The following FHDC1 variants were observed in gnomAD, a reference collection of about 807,000 sequenced individuals.
FHDC1 encodes the protein FH2 domain-containing protein 1.
A neutral mutation model predicts 52.6 loss-of-function variants in FHDC1; 25 were observed. That is an observed-to-expected ratio of 0.48 (90% CI 0.35 to 0.66). FHDC1 has a LOEUF of 0.66. Among genes scored for constraint, FHDC1 ranks in the 30% least tolerant of loss-of-function variants. The pLI is 0.01. For synonymous variants in FHDC1, 616 were observed against 581.5 expected (o/e 1.06, Z -0.85); for missense variants, 1,459 against 1,452.8 (o/e 1.00, Z -0.07).
At chr4:152,917,865 A>G in the FHDC1 span, among the ~76,000 whole-genome samples, 5 of 152,148 alleles carry the variant, frequency 3.3e-5, no homozygotes, top group East Asian at 5.8e-4. Context: ...AAGGTTCACC[A>G]TATTTTCTCT....
At chr4:152,921,181 T>A in the FHDC1 span, among the ~76,000 whole-genome samples, 1 of 152,048 alleles carries the variant, frequency 6.6e-6, no homozygotes. Context: ...CCTTATTTCA[T>A]AAATAACTTT....
upstream of FHDC1, among the ~76,000 whole-genome samples, chr4:152,931,964 A>C (rs1286750331): frequency 6.9e-6 from 1 of 145,916 alleles, no homozygotes; most frequent in Non-Finnish European, 1.5e-5. Flanking sequence ...AAAAAAAAAA[A>C]CTTCAAAAAT....
chr4:152,977,523 G>A lies in FHDC1; in HGVS notation c.*800G>A, dbSNP rs1158681506. The stretch of plus-strand genomic sequence containing the variant: ...AGTGGCACAATCATAGCTCACTGCA[G>A]CTTTGACCTCCCAGACCCAAGTGAT... On this transcript the variant is annotated 3_prime_UTR_variant, in exon 12 of 12. Transcript: ENST00000511601. 6.6e-6 allele frequency: 1 copy of A among 152,146 alleles called. No individual in the cohort carries two copies. The highest frequency in any genetic ancestry group is 6.5e-5 in the Admixed American group (1 of 15,282). The allele number at this position is 152,146 out of a possible 1,614,324, so 9.4% of individuals were successfully genotyped here.
intron 2 of FHDC1, among the ~76,000 whole-genome samples, chr4:152,945,801 G>A (rs1190067358): frequency 1.3e-5 from 2 of 152,066 alleles, no homozygotes; most frequent in Non-Finnish European, 2.9e-5. Context: ...CATCCACATT[G>A]TTGTGCAACC....
chr4:152,975,252 G>C lies in FHDC1; in HGVS notation c.1961G>C (p.Ser654Thr). 1 of 1,613,466 alleles carries C rather than the reference G, an allele frequency of 6.2e-7. No individual in the cohort carries two copies. The highest frequency in any genetic ancestry group is 1.3e-5 in the African/African-American group (1 of 75,060). The change falls in exon 12 of 12, where the codon AGC becomes ACC. Residue 654 changes from serine (S) to threonine (T), a missense_variant. This residue lies in a region of FHDC1 where 939 missense variants were observed against 854.5 expected (regional missense o/e 1.10). Transcript: ENST00000511601. The stretch of plus-strand genomic sequence containing the variant: ...CGAAAGAGGTACAGTGAGCCGGTGA[G>C]CCTGGGCTCAGCACAGTCCCCTCCT... ...VLRKRYSEPV[S>T]LGSAQSPPLS...
At chr4:152,936,966 C>T (rs949204888) in intron 1 of FHDC1, among the ~76,000 whole-genome samples, 3 of 152,250 alleles carry the variant, frequency 2.0e-5, no homozygotes, top group Non-Finnish European at 4.4e-5. Flanking sequence ...GGACCAGGCG[C>T]TTCTCGCCCC....
intron 4 of FHDC1, among the ~76,000 whole-genome samples, chr4:152,958,809 C>A (rs1395925991): frequency 6.6e-6 from 1 of 152,178 alleles, no homozygotes; most frequent in Non-Finnish European, 1.5e-5. Flanking sequence ...CCAGAAGTGC[C>A]ATGTGCCCTT....
At chr4:152,950,967 A>C (rs1268670359) in intron 2 of FHDC1, among the ~76,000 whole-genome samples, 11 of 152,232 alleles carry the variant, frequency 7.2e-5, no homozygotes, top group Non-Finnish European at 1.5e-4. Context: ...AGAGATCATA[A>C]GAGTAATTTT....
At chr4:152,912,248 T>C in the FHDC1 span, 1 of 152,172 alleles carries the variant, frequency 6.6e-6, no homozygotes, top group Non-Finnish European at 1.5e-5. Context: ...TACATTTACT[T>C]TGTTAGGAAT....
chr4:152,954,619 G>A (rs998728358), intron 4 of FHDC1, among the ~76,000 whole-genome samples: 3 of 151,962 alleles, frequency 2.0e-5, no homozygotes, highest in South Asian at 2.1e-4. Flanking sequence ...CCAGGAAGGC[G>A]GAGTTTGCAG....
chr4:152,918,442 G>C, the FHDC1 span: 4 of 152,190 alleles, frequency 2.6e-5, no homozygotes, highest in African/African-American at 9.7e-5. Flanking sequence ...TTATGGAAAC[G>C]TGTTAGCCCA....
intron 2 of FHDC1, among the ~76,000 whole-genome samples, chr4:152,947,586 A>G (rs1739773077): frequency 6.6e-6 from 1 of 152,176 alleles, no homozygotes; most frequent in African/African-American, 2.4e-5. Context: ...TATCTTAGCC[A>G]TTTGGTATCC....
At chr4:152,965,044 T>G in intron 9 of FHDC1, 69 bp downstream of exon 9, 3 of 1,412,796 alleles carry the variant, frequency 2.1e-6, no homozygotes, top group East Asian at 4.6e-5. Flanking sequence ...TAGTTAAAAC[T>G]TTTAGATTCC....
chr4:152,940,238 T>G (rs1739538898), intron 1 of FHDC1, among the ~76,000 whole-genome samples: 1 of 152,236 alleles, frequency 6.6e-6, no homozygotes, highest in African/African-American at 2.4e-5. Context: ...GGCTAATCAT[T>G]GCTGGCGAAC....
the FHDC1 span, among the ~76,000 whole-genome samples, chr4:152,924,489 A>C: frequency 6.6e-6 from 1 of 152,170 alleles, no homozygotes; most frequent in African/African-American, 2.4e-5. Flanking sequence ...ATACCATTCG[A>C]CCCAGCCATC....
chr4:152,967,268 A>G (rs1740493315), intron 9 of FHDC1, among the ~76,000 whole-genome samples: 1 of 152,226 alleles, frequency 6.6e-6, no homozygotes, highest in South Asian at 2.1e-4. Context: ...TCCACTAAAA[A>G]TACAAAAATT....
the FHDC1 span, among the ~76,000 whole-genome samples, chr4:152,919,702 T>C: frequency 6.6e-6 from 1 of 152,190 alleles, no homozygotes; most frequent in Admixed American, 6.5e-5. Context: ...TTAGGGTCAT[T>C]GTTGGCTAGA....
intron 2 of FHDC1, among the ~76,000 whole-genome samples, chr4:152,947,216 CAAA>C (rs781228959): frequency 7.2e-5 from 5 of 69,906 alleles, no homozygotes; most frequent in African/African-American, 5.2e-5. Context: ...AAGACTGTCT[CAAA>C]AAAAAAAAAA....
the FHDC1 span, among the ~76,000 whole-genome samples, chr4:152,920,489 G>A: frequency 1.3e-5 from 2 of 152,140 alleles, no homozygotes; most frequent in Non-Finnish European, 2.9e-5. Context: ...GTTAGACATA[G>A]GAAGTGTTTC....
Sources: gnomAD v4.1 joint callset for allele counts (sites outside exome capture counted in the v4.1 genomes callset) on GRCh38, gnomAD v4.1.1 for gene constraint, gnomAD v4.1.1 regional missense constraint, MANE v1.5 for transcripts, NCBI Gene and HGNC (gene_info 2026-07-23, HGNC 2026-07-21) for gene names.